LRRC23: variants seen among roughly 807,000 people sequenced by gnomAD.
LRRC23 encodes leucine rich repeat containing 23.
In LRRC23, 28 loss-of-function variants were observed where a neutral mutation model predicts 37.7. The observed-to-expected ratio is 0.74, with a 90% CI of 0.55 to 1.02. LRRC23 has a LOEUF of 1.02. Among genes scored for constraint, LRRC23 ranks in the 50% least tolerant of loss-of-function variants. LRRC23 has a pLI of 0.00. For missense variants in LRRC23, 377 were observed against 413.2 expected (o/e 0.91, Z 0.76); for synonymous variants, 161 against 165.4 (o/e 0.97, Z 0.20).
In LRRC23 at chr12:6,911,517, G is replaced by A. The variant is rs1316317381; in HGVS notation, c.759-1213G>A. On this transcript the variant is annotated intron_variant, in intron 6 of 7. Coordinates refer to ENST00000443597, the MANE Select transcript of LRRC23 (RefSeq NM_001135217.2). Reference sequence around the variant, plus strand: ...AGAGTAAGTCGGGTGTGTGTGTGGAGGGGGGTGAGGGTGTCTCAATGATTG... The same window carrying A: ...AGAGTAAGTCGGGTGTGTGTGTGGAAGGGGGTGAGGGTGTCTCAATGATTG... 1.1e-4 allele frequency among the ~76,000 whole-genome samples: 7 copies of A among 62,958 alleles called. No individual in the cohort carries two copies. In the African/African-American group the frequency reaches 1.2e-3, roughly 11 times the overall value. The allele number at this position is 62,958 out of a possible 152,430, so 41.3% of individuals were successfully genotyped here.
rs782031002 is a variant in LRRC23, at chr12:6,906,454, C to G, written c.282C>G (p.Arg94=). Reference sequence around the variant, plus strand: ...TGCTGCGCTCCTACATCCATCTGCGCTATGTGGATATTTCTGAGAACCACC... The same window carrying G: ...TGCTGCGCTCCTACATCCATCTGCGGTATGTGGATATTTCTGAGAACCACC... ...IYLLRSYIHL[R]YVDISENHLT... is the part of the protein sequence containing the mutation. The change falls in exon 4 of 8, where the codon CGC becomes CGG. Residue 94 remains arginine, a synonymous_variant. Coordinates refer to ENST00000443597, the MANE Select transcript of LRRC23 (RefSeq NM_001135217.2). 8 of 1,614,124 alleles carry G rather than the reference C, an allele frequency of 5.0e-6. No individual in the cohort carries two copies. Among genetic ancestry groups the G allele is most frequent in the Non-Finnish European group, 5.1e-6 (6 of 1,179,986 alleles).
intron 4 of LRRC23, among the ~76,000 whole-genome samples, chr12:6,907,025 A>G (rs1944965666): frequency 6.6e-6 from 1 of 152,218 alleles, no homozygotes; most frequent in Non-Finnish European, 1.5e-5. Flanking sequence ...TAGGACAACC[A>G]TCACTGAGAA....
In LRRC23 at chr12:6,909,918, G is replaced by T; in HGVS notation, c.650G>T (p.Gly217Val). The change falls in exon 6 of 8, where the codon GGC (glycine) becomes GTC (valine). Residue 217 changes from glycine to valine, a missense_variant. Gly to Val is a moderately radical substitution (Grantham distance 109). This residue lies in a region of LRRC23 where 266 missense variants were observed against 285.6 expected (regional missense o/e 0.93). Coordinates refer to ENST00000443597, the MANE Select transcript of LRRC23 (RefSeq NM_001135217.2). ...LAQNMLKKVE[G>V]LEDLSNLTTL... ...CAAAACATGCTGAAGAAGGTGGAAG[G>T]CTTGGAGGATCTGAGCAATCTCACC... is the stretch of plus-strand genomic sequence containing the variant. 1.2e-6 allele frequency: 2 copies of T among 1,613,562 alleles called. No individual in the cohort carries two copies. Among genetic ancestry groups the T allele is most frequent in the Non-Finnish European group, 1.7e-6 (2 of 1,179,782 alleles).
chr12:6,908,877 T>G lies in LRRC23; in HGVS notation c.622-1013T>G, dbSNP rs1945025041. The stretch of plus-strand genomic sequence containing the variant: ...AGAAAGAGGGAGTGGGGGGAAAGAT[T>G]AGCGCTTTCTCTTGGAGCAGGTGAA... On this transcript the variant is annotated intron_variant, in intron 5 of 7. Coordinates refer to ENST00000443597, the MANE Select transcript of LRRC23 (RefSeq NM_001135217.2). Among the ~76,000 whole-genome samples the G allele has an allele frequency of 2.1e-5, 3 of 143,024 alleles. No homozygotes were observed. The South Asian group carries it at 6.5e-4, about 31-fold the overall frequency. 93.8% of individuals were successfully genotyped at this position (143,024 alleles called of 152,430 possible). A position where few individuals can be genotyped will look rare whatever the true frequency, so the allele number is the denominator to read the frequency against.
intron 5 of LRRC23, among the ~76,000 whole-genome samples, chr12:6,909,070 TATTATATATTATATA>T (rs1483947596): frequency 4.3e-5 from 2 of 46,862 alleles, no homozygotes; most frequent in Non-Finnish European, 6.2e-5. Flanking sequence ...TATAAATATA[TATTATATATTATATA>T]ATTATATATT....
intron 4 of LRRC23, 102 bp from the exon 5 acceptor site, chr12:6,907,213 C>T: frequency 7.1e-7 from 1 of 1,409,380 alleles, no homozygotes; most frequent in Non-Finnish European, 9.9e-7. Flanking sequence ...AGTATCTACC[C>T]TGCTTTGCGA....
chr12:6,909,969 T>TTGACACC lies in LRRC23; in HGVS notation c.702_708dup (p.Leu237Ter). ...ACCTTGCATCTTCGAGACAACCAGATTGACACCCTGAGTGGCTTCTCCAGA... is the reference window on the plus strand; with the variant it reads ...ACCTTGCATCTTCGAGACAACCAGATTGACACCTGACACCCTGAGTGGCTTCTCCAGA... On this transcript the variant is annotated frameshift_variant, in exon 6 of 8. Transcript: ENST00000443597. LOFTEE classifies it high-confidence loss of function. 1.2e-6 allele frequency: 2 copies of TTGACACC among 1,613,922 alleles called. No homozygotes were observed. Among genetic ancestry groups the TTGACACC allele is most frequent in the Non-Finnish European group, 1.7e-6 (2 of 1,179,962 alleles).
chr12:6,907,176 G>A lies in LRRC23; in HGVS notation c.491-139G>A, dbSNP rs77526866. The A allele has an allele frequency of 8.7e-3, 8,184 of 945,636 alleles. 364 individuals are homozygous for A. The Admixed American group carries it at 0.097, about 11-fold the overall frequency. 58.6% of individuals were successfully genotyped at this position (945,636 alleles called of 1,614,324 possible). A position where few individuals can be genotyped will look rare whatever the true frequency, so the allele number is the denominator to read the frequency against. On this transcript the variant is annotated intron_variant, in intron 4 of 7. Transcript: ENST00000443597. ...CACCACTTGCCTCAGGGCTCCAGAGGTATTAAGTCTGGAGCTGGCCTTCCT... is the reference window on the plus strand; with the variant it reads ...CACCACTTGCCTCAGGGCTCCAGAGATATTAAGTCTGGAGCTGGCCTTCCT...
At chr12:6,906,972 A>C (rs1237636047) in intron 4 of LRRC23, among the ~76,000 whole-genome samples, 1 of 152,192 alleles carries the variant, frequency 6.6e-6, no homozygotes, top group East Asian at 1.9e-4. Flanking sequence ...AGATCAGAGT[A>C]AGAGGAATGG....
At chr12:6,905,547 T>C in intron 1 of LRRC23, 38 bp from the exon 2 acceptor site, 10 of 1,411,332 alleles carry the variant, frequency 7.1e-6, no homozygotes, top group African/African-American at 1.4e-5. Flanking sequence ...ATGAAGGAGC[T>C]GAAGGCTGGC....
chr12:6,910,312 G>A lies in LRRC23; in HGVS notation c.758+286G>A, dbSNP rs150059726. On this transcript the variant is annotated intron_variant, in intron 6 of 7. Transcript: ENST00000443597. The stretch of plus-strand genomic sequence containing the variant: ...TTTAAAGCAATCAGAGGCTGGGCAT[G>A]GTGGTTCATGCCTGTACTCCCAGCA... 1.6e-3 allele frequency among the ~76,000 whole-genome samples: 250 copies of A among 152,246 alleles called. 2 individuals carry two copies. The highest frequency in any genetic ancestry group is 5.6e-3 in the African/African-American group (231 of 41,518).
Position 6,907,361 on chromosome 12 carries a change from C to T in LRRC23, c.537C>T (p.Ile179=), listed in dbSNP as rs1944973314. 5 of 1,614,014 alleles carry T rather than the reference C, an allele frequency of 3.1e-6. No homozygotes were observed. In the South Asian group the frequency reaches 4.4e-5, roughly 14 times the overall value. ...MVTGLDPEKL[I]SLHTVELRGN... ...CAGGTCTGGACCCCGAGAAGTTGAT[C>T]AGCCTGCACACAGTGGAGCTTCGGG... Residue 179 remains isoleucine (I), a synonymous_variant, in exon 5 of 8, where the codon ATC becomes ATT. Coordinates refer to ENST00000443597, the MANE Select transcript of LRRC23 (RefSeq NM_001135217.2).
In LRRC23 at chr12:6,905,061, T is replaced by G. The variant is rs150008806; in HGVS notation, c.-64T>G. 3.8e-4 allele frequency: 60 copies of G among 156,484 alleles called. No individual in the cohort carries two copies. Among genetic ancestry groups the G allele is most frequent in the Admixed American group, 3.5e-3 (56 of 16,174 alleles). The allele number at this position is 156,484 out of a possible 1,614,324, so 9.7% of individuals were successfully genotyped here. On this transcript the variant is annotated 5_prime_UTR_variant, in exon 1 of 8. Coordinates refer to ENST00000443597, the MANE Select transcript of LRRC23 (RefSeq NM_001135217.2). Reference sequence around the variant, plus strand: ...AGGGCCTCTCCAGAACTGCTTCTGATTGAGCAGAAACAGGGTCTGAGCCCC... The same window carrying G: ...AGGGCCTCTCCAGAACTGCTTCTGAGTGAGCAGAAACAGGGTCTGAGCCCC...
In LRRC23 at chr12:6,914,194, G is replaced by A. The variant is rs1945260777; in HGVS notation, c.*328G>A. ...TTGGAGAGACTTGCGAAGGCGGCTG[G>A]GGTGTTCGGATTTCCAATAAAGAAA... On this transcript the variant is annotated 3_prime_UTR_variant, in exon 8 of 8. Transcript: ENST00000443597. This position sits in a 1 kb window ranked among gnomAD's most constrained non-coding sequence, Gnocchi z 7.1. 1.9e-5 allele frequency: 16 copies of A among 852,180 alleles called. No individual in the cohort carries two copies. The highest frequency in any genetic ancestry group is 2.6e-5 in the Non-Finnish European group (15 of 569,208). The allele number at this position is 852,180 out of a possible 1,614,324, so 52.8% of individuals were successfully genotyped here. A position where few individuals can be genotyped will look rare whatever the true frequency, so the allele number is the denominator to read the frequency against.
Position 6,906,544 on chromosome 12 carries a change from G to A in LRRC23, c.372G>A (p.Arg124=). 1 of 1,614,204 alleles carries A rather than the reference G, an allele frequency of 6.2e-7. No individual in the cohort carries two copies. Among genetic ancestry groups the A allele is most frequent in the Non-Finnish European group, 8.5e-7 (1 of 1,180,038 alleles). ...HLLWLKADGN[R]LRSAQMNELP... Reference sequence around the variant, plus strand: ...TCTGGCTCAAGGCTGATGGCAATCGGCTGCGAAGTGCCCAGATGAATGAAC... The same window carrying A: ...TCTGGCTCAAGGCTGATGGCAATCGACTGCGAAGTGCCCAGATGAATGAAC... Residue 124 remains arginine (R), a synonymous_variant, in exon 4 of 8, where the codon CGG becomes CGA. Transcript: ENST00000443597.
Position 6,912,867 on chromosome 12 carries a change from T to A in LRRC23, c.896T>A (p.Leu299His). 6.2e-7 allele frequency: 1 copy of A among 1,614,070 alleles called. No individual in the cohort carries two copies. Among genetic ancestry groups the A allele is most frequent in the African/African-American group, 1.3e-5 (1 of 74,996 alleles). ...GAGGCCCTGGTGCAGATGCCATACC[T>A]TGAACGCCTGGACAAGGAATTCTAT... ...RQEALVQMPY[L>H]ERLDKEFYEE... Residue 299 changes from leucine to histidine, a missense_variant, in exon 7 of 8, where the codon CTT becomes CAT. This residue lies in a region of LRRC23 where 266 missense variants were observed against 285.6 expected (regional missense o/e 0.93). Transcript: ENST00000443597.
chr12:6,905,514 G>A, intron 1 of LRRC23, 71 bp from the exon 2 acceptor site: 1 of 918,822 alleles, frequency 1.1e-6, no homozygotes. Flanking sequence ...TGGGGGTGAT[G>A]GGAGTGGCAC....
At chr12:6,911,740 G>C (rs1945165661) in intron 6 of LRRC23, among the ~76,000 whole-genome samples, 1 of 152,202 alleles carries the variant, frequency 6.6e-6, no homozygotes, top group African/African-American at 2.4e-5. Flanking sequence ...AGGCATGGTG[G>C]CTCACGCCTG....
In LRRC23 at chr12:6,909,876, C is replaced by A. The variant is rs782047663; in HGVS notation, c.622-14C>A. 2 of 1,606,516 alleles carry A rather than the reference C, an allele frequency of 1.2e-6. No homozygotes were observed. The highest frequency in any genetic ancestry group is 2.7e-5 in the African/African-American group (2 of 74,772). On this transcript the variant is annotated splice_polypyrimidine_tract_variant and intron_variant, in intron 5 of 7. Transcript: ENST00000443597. ...GCTCCCTCTCAATCAATCCACTGTG[C>A]CCTGGGGGTCTAGGCCCAAAACATG... is the stretch of plus-strand genomic sequence containing the variant.
Sources: gnomAD v4.1 joint callset for allele counts (sites outside exome capture counted in the v4.1 genomes callset) on GRCh38, gnomAD v4.1.1 for gene constraint, gnomAD v4.1.1 regional missense constraint, Gnocchi (gnomAD v3.1) non-coding constraint, MANE v1.5 for transcripts, NCBI Gene and HGNC (gene_info 2026-07-23, HGNC 2026-07-21) for gene names.